Variants in FOXP2 observed in about 807,000 individuals in gnomAD.
The protein encoded by FOXP2 is forkhead box P2, also known as forkhead box protein P2.
Under a neutral mutation model 115.8 loss-of-function variants are expected in FOXP2, and 12 were observed. The observed-to-expected ratio is 0.10, with a 90% confidence interval of 0.07 to 0.17. The LOEUF (loss-of-function observed/expected upper bound fraction) is 0.17. Among genes scored for constraint, FOXP2 ranks in the 10% least tolerant of loss-of-function variants. FOXP2 has a pLI of 1.00. For synonymous variants in FOXP2, 328 were observed against 297.7 expected, an observed-to-expected ratio of 1.10 and a Z score of -1.05; for missense variants, 629 against 843.5, an observed-to-expected ratio of 0.75 and a Z score of 3.15.
intron 8 of FOXP2, 68 bp from the exon 9 acceptor site, chr7:114,652,135 T>C (rs772814187): frequency 2.5e-4 from 368 of 1,443,414 alleles, no homozygotes; most frequent in Admixed American, 5.6e-4. Flanking sequence ...TAGTGCTTTT[T>C]AAGTGTAGCC....
chr7:114,642,010 T>A (rs1295494803), intron 6 of FOXP2, among the ~76,000 whole-genome samples: 1 of 152,044 alleles, frequency 6.6e-6, no homozygotes, highest in Non-Finnish European at 1.5e-5. Context: ...TTCACCATGT[T>A]GGCCAGGCTG....
intron 1 of FOXP2, among the ~76,000 whole-genome samples, chr7:114,415,986 A>C (rs970568089): frequency 6.6e-6 from 1 of 152,146 alleles, no homozygotes. Flanking sequence ...TTCCAGGAAT[A>C]CACATTGTGA....
intron 2 of FOXP2, among the ~76,000 whole-genome samples, chr7:114,388,500 T>A (rs1304090923): frequency 2.6e-5 from 4 of 152,038 alleles, no homozygotes; most frequent in Non-Finnish European, 5.9e-5. Context: ...AACTGAATGA[T>A]CCTGTTGTCT....
chr7:114,644,539 T>C (rs1012270858), intron 7 of FOXP2, 146 bp from the exon 8 acceptor site: 8 of 695,466 alleles, frequency 1.2e-5, no homozygotes, highest in African/African-American at 3.5e-5. Context: ...AACTATTCAA[T>C]AGAACGATTA....
At chr7:114,164,508 G>GAA (rs1792925200) in intron 1 of FOXP2, among the ~76,000 whole-genome samples, 1 of 151,612 alleles carries the variant, frequency 6.6e-6, no homozygotes, top group Admixed American at 6.6e-5. Context: ...ACCACACCCA[G>GAA]CTAACTTTTG....
chr7:114,662,139 T>G lies in FOXP2; in HGVS notation c.1722T>G (p.Thr574=). The G allele has an allele frequency of 6.2e-7, 1 of 1,613,018 alleles. No homozygotes were observed. The highest frequency in any genetic ancestry group is 1.1e-5 in the South Asian group (1 of 91,066). ...RVENVKGAVW[T]VDEVEYQKRR... ...AAAATGTTAAAGGAGCAGTATGGAC[T>G]GTGGATGAAGTAGAATACCAGAAGC... Residue 574 remains threonine, a synonymous_variant, in exon 14 of 17, where the codon ACT becomes ACG. Coordinates refer to ENST00000350908, the MANE Select transcript of FOXP2 (RefSeq NM_014491.4).
intron 1 of FOXP2, among the ~76,000 whole-genome samples, chr7:114,183,313 C>T (rs1436480758): frequency 6.6e-6 from 1 of 152,082 alleles, no homozygotes; most frequent in African/African-American, 2.4e-5. Context: ...TTAAGGTTTA[C>T]ATGTTTAACT....
chr7:114,454,410 C>T (rs1272241543), intron 2 of FOXP2, among the ~76,000 whole-genome samples: 2 of 152,044 alleles, frequency 1.3e-5, no homozygotes, highest in Non-Finnish European at 2.9e-5. Flanking sequence ...AACACTTTTA[C>T]ACTGTTGATG....
At chr7:114,240,707 A>C (rs1184095954) in intron 1 of FOXP2, among the ~76,000 whole-genome samples, 2 of 151,806 alleles carry the variant, frequency 1.3e-5, no homozygotes, top group East Asian at 1.9e-4. Context: ...TCAAAAAAAA[A>C]CCCTATTTCA....
chr7:114,287,251 A>C (rs1379514389), intron 1 of FOXP2, among the ~76,000 whole-genome samples: 1 of 151,988 alleles, frequency 6.6e-6, no homozygotes, highest in African/African-American at 2.4e-5. Context: ...TGATGAACTA[A>C]AAAAGAAAAA....
chr7:114,480,377 A>G (rs1158597246), intron 2 of FOXP2, among the ~76,000 whole-genome samples: 1 of 151,688 alleles, frequency 6.6e-6, no homozygotes, highest in African/African-American at 2.4e-5. Context: ...TTGTCTAGAA[A>G]AGCAACAAGT....
intron 6 of FOXP2, among the ~76,000 whole-genome samples, chr7:114,635,098 G>T (rs1005055688): frequency 1.3e-5 from 2 of 152,102 alleles, no homozygotes. Flanking sequence ...AATAAGAGTG[G>T]TTGAATAATA....
intron 1 of FOXP2, among the ~76,000 whole-genome samples, chr7:114,214,637 G>A (rs1794443194): frequency 6.6e-6 from 1 of 152,116 alleles, no homozygotes; most frequent in African/African-American, 2.4e-5. Flanking sequence ...GGTGTGGAGG[G>A]CCACAGAGCT....
chr7:114,160,275 CAGA>C (rs551154002), upstream of FOXP2, among the ~76,000 whole-genome samples: 1 of 152,144 alleles, frequency 6.6e-6, no homozygotes, highest in South Asian at 2.1e-4. Context: ...GACAGGAGTG[CAGA>C]AGATCAGAGA....
intron 1 of FOXP2, among the ~76,000 whole-genome samples, chr7:114,164,768 C>A (rs958242214): frequency 2.0e-5 from 3 of 152,024 alleles, no homozygotes; most frequent in Admixed American, 6.6e-5. Context: ...CTTTAAAAGC[C>A]TATTTAAATT....
intron 1 of FOXP2, among the ~76,000 whole-genome samples, chr7:114,151,861 C>T (rs1430317018): frequency 6.6e-6 from 1 of 152,016 alleles, no homozygotes; most frequent in Admixed American, 6.6e-5. Flanking sequence ...TCATTCCATT[C>T]AGTGAGAGGT....
rs981286183 is a variant in FOXP2, at chr7:114,662,338, G to T, written c.1769+152G>T. 96 of 1,061,276 alleles carry T rather than the reference G, an allele frequency of 9.0e-5. No homozygotes were observed. In the African/African-American group the frequency reaches 1.4e-3, roughly 15 times the overall value. The allele number at this position is 1,061,276 out of a possible 1,614,324, so 65.7% of individuals were successfully genotyped here. On this transcript the variant is annotated intron_variant, in intron 14 of 16. Transcript: ENST00000350908. Reference sequence around the variant, plus strand: ...TGCATTTTGAATCTAGGTGTAGGTGGCATAAATCAACAGTAGCCTATCAAT... The same window carrying T: ...TGCATTTTGAATCTAGGTGTAGGTGTCATAAATCAACAGTAGCCTATCAAT...
chr7:114,311,130 T>C (rs892781793), intron 2 of FOXP2, among the ~76,000 whole-genome samples: 2 of 152,080 alleles, frequency 1.3e-5, no homozygotes, highest in African/African-American at 4.8e-5. Context: ...CTGTGACCAA[T>C]TATTTTAGAG....
At chr7:114,500,291 G>A (rs371730638) in intron 2 of FOXP2, among the ~76,000 whole-genome samples, 147 of 151,800 alleles carry the variant, frequency 9.7e-4, no homozygotes, top group African/African-American at 3.4e-3. Context: ...AACTTATAGT[G>A]GCTCAAGGAT....
Sources: gnomAD v4.1 joint callset for allele counts (sites outside exome capture counted in the v4.1 genomes callset) on GRCh38, gnomAD v4.1.1 for gene constraint, MANE v1.5 for transcripts, NCBI Gene and HGNC (gene_info 2026-07-23, HGNC 2026-07-21) for gene names.